Variants in AHNAK observed in about 807,000 individuals in gnomAD.
AHNAK encodes AHNAK nucleoprotein.
Under a neutral mutation model 37.8 loss-of-function variants are expected in AHNAK, and 23 were observed. The ratio of observed to expected loss-of-function variants is 0.61; its 90% CI spans 0.44 to 0.86. The LOEUF (loss-of-function observed/expected upper bound fraction) is 0.86. Ranked by LOEUF, AHNAK falls within the 40% of genes least tolerant of loss-of-function variation. The pLI, the probability that AHNAK is intolerant of heterozygous loss-of-function variation, is 0.00. For missense variants in AHNAK, 7,411 were observed against 7,319.4 expected, an observed-to-expected ratio of 1.01 and a Z score of -0.46; for synonymous variants, 2,481 against 2,636.3, an observed-to-expected ratio of 0.94 and a Z score of 1.80.
chr11:62,492,505 G>C (rs1272252420), intron 4 of AHNAK, among the ~76,000 whole-genome samples: 1 of 152,132 alleles, frequency 6.6e-6, no homozygotes, highest in Admixed American at 6.5e-5. Context: ...GGAGAACTAT[G>C]GTTGCCATCA....
rs1366780897 is a variant in AHNAK at position 62,526,493 on chromosome 11, T to C, written c.7924A>G (p.Lys2642Glu). Residue 2642 changes from lysine to glutamate, a missense_variant, in exon 5 of 5, where the codon AAA becomes GAA. Physicochemically the swap from Lys to Glu is moderately conservative, Grantham distance 56 (BLOSUM62 1). Transcript: ENST00000378024. ...CCAGGCATGCTGAACTTTGGCATTTTCACCTTGGGCATCTTCAGGTGCCAG... is the reference window on the plus strand; with the variant it reads ...CCAGGCATGCTGAACTTTGGCATTTCCACCTTGGGCATCTTCAGGTGCCAG... Reference protein sequence around the residue: ...PDWHLKMPKVKMPKFSMPGFK... With the variant: ...PDWHLKMPKVEMPKFSMPGFK... 1 of 1,613,018 alleles carries C rather than the reference T, an allele frequency of 6.2e-7. No homozygotes were observed. The highest frequency in any genetic ancestry group is 8.5e-7 in the Non-Finnish European group (1 of 1,179,662).
intron 5 of AHNAK, among the ~76,000 whole-genome samples, chr11:62,458,151 C>G (rs749319864): frequency 1.2e-4 from 18 of 152,072 alleles, no homozygotes; most frequent in Non-Finnish European, 2.9e-5. Context: ...AACTCCTGAC[C>G]TCATGATCCA....
Position 62,516,382 on chromosome 11 carries a change from G to A in AHNAK, c.*362C>T. On this transcript the variant is annotated 3_prime_UTR_variant, in exon 5 of 5. Transcript: ENST00000378024. ...CCAAAGTCATTACAATGAAAAAGTGGGTTTCCATTACCCCAAAACTAACAA... is the reference window on the plus strand; with the variant it reads ...CCAAAGTCATTACAATGAAAAAGTGAGTTTCCATTACCCCAAAACTAACAA... 2 of 1,264,332 alleles carry A rather than the reference G, an allele frequency of 1.6e-6. No homozygotes were observed. The highest frequency in any genetic ancestry group is 1.5e-5 in the African/African-American group (1 of 64,996). The allele number at this position is 1,264,332 out of a possible 1,614,324, so 78.3% of individuals were successfully genotyped here.
At position 62,519,364 on chromosome 11, in the gene AHNAK, C is replaced by T; in HGVS notation, c.15053G>A (p.Gly5018Asp). 2.5e-6 allele frequency: 4 copies of T among 1,614,028 alleles called. No individual in the cohort carries two copies. Among genetic ancestry groups the T allele is most frequent in the Non-Finnish European group, 3.4e-6 (4 of 1,179,982 alleles). ...ETPEISVGGK[G>D]KKSKFKMPKI... ...AGGCATTTTAAACTTACTTTTCTTG[C>T]CCTTGCCACCAACACTAATTTCAGG... The change falls in exon 5 of 5, where the codon GGC (glycine) becomes GAC (aspartate). Residue 5018 changes from glycine to aspartate, a missense_variant. Transcript: ENST00000378024.
At chr11:62,452,619 C>T (rs996427538) in intron 5 of AHNAK, among the ~76,000 whole-genome samples, 1 of 152,194 alleles carries the variant, frequency 6.6e-6, no homozygotes. Flanking sequence ...TCTAAGTCTT[C>T]TCATGCTTAG....
chr11:62,529,852 C>G lies in AHNAK; in HGVS notation c.4565G>C (p.Gly1522Ala), dbSNP rs1479698024. 6.2e-7 allele frequency: 1 copy of G among 1,614,044 alleles called. No homozygotes were observed. The highest frequency in any genetic ancestry group is 2.2e-5 in the East Asian group (1 of 44,856). The change falls in exon 5 of 5, where the codon GGC becomes GCC. Residue 1522 changes from glycine (G) to alanine (A), a missense_variant. Physicochemically the swap from Gly to Ala is moderately conservative, Grantham distance 60. Transcript: ENST00000378024. ...KVKMPKFSMPGFKGEGPEVDM... is the reference protein window; with the variant it reads ...KVKMPKFSMPAFKGEGPEVDM... ...CACCTCTGGGCCCTCTCCTTTAAAG[C>G]CAGGCATGCTGAACTTGGGCATTTT...
At chr11:62,444,473 C>T (rs1482629698) in intron 5 of AHNAK, among the ~76,000 whole-genome samples, 1 of 152,270 alleles carries the variant, frequency 6.6e-6, no homozygotes, top group Non-Finnish European at 1.5e-5. Context: ...ATTCTGCTTT[C>T]TCTCAGCTCT....
rs780408928 is a variant in AHNAK, at chr11:62,526,760, C to T, written c.7657G>A (p.Val2553Ile). The stretch of plus-strand genomic sequence containing the variant: ...TTTCCCTCTGGTCCTTCAATATTAA[C>T]ATCAGGGCCTTCAATGTCCACCTTG... The part of the protein sequence containing the change: ...GPKVDIEGPD[V>I]NIEGPEGKLK... The change falls in exon 5 of 5, where the codon GTT (valine) becomes ATT (isoleucine). Residue 2553 changes from valine (V) to isoleucine (I), a missense_variant. By Grantham distance (29) the Val-to-Ile change is conservative. Transcript: ENST00000378024. 8.1e-6 allele frequency: 13 copies of T among 1,613,576 alleles called. No homozygotes were observed. The South Asian group carries it at 1.3e-4, about 16-fold the overall frequency.
In AHNAK at chr11:62,544,864, G is replaced by T. The variant is rs75313269; in HGVS notation, c.-100+1796C>A. ...CCTTAAACGCCTTCCCCCACTCTCA[G>T]CTTCACTGCTGCAGCCCCTCACTGT... On this transcript the variant is annotated intron_variant, in intron 1 of 4. Transcript: ENST00000378024. Among the ~76,000 whole-genome samples, 939 of 152,254 alleles carry T rather than the reference G, an allele frequency of 6.2e-3. 6 individuals are homozygous for T. The highest frequency in any genetic ancestry group is 0.017 in the South Asian group (80 of 4,828).
At position 62,517,864 on chromosome 11, in the gene AHNAK, A is replaced by G; in HGVS notation, c.16553T>C (p.Ile5518Thr). Residue 5518 changes from isoleucine to threonine, a missense_variant, in exon 5 of 5, where the codon ATT becomes ACT. Physicochemically the swap from Ile to Thr is moderately conservative, Grantham distance 89 (BLOSUM62 -1). Coordinates refer to ENST00000378024, the MANE Select transcript of AHNAK (RefSeq NM_001620.3). ...ACCACCTTTGATTTCAGGCCCAGAA[A>G]TCTGCCCAGTTGGGAGTTTCACATT... is the stretch of plus-strand genomic sequence containing the variant. ...GVNVKLPTGQ[I>T]SGPEIKGGLK... 1 of 1,614,138 alleles carries G rather than the reference A, an allele frequency of 6.2e-7. No homozygotes were observed. Among genetic ancestry groups the G allele is most frequent in the South Asian group, 1.1e-5 (1 of 91,078 alleles).
At chr11:62,502,259 A>G (rs902602692) in intron 4 of AHNAK, among the ~76,000 whole-genome samples, 9 of 152,222 alleles carry the variant, frequency 5.9e-5, no homozygotes, top group African/African-American at 2.2e-4. Context: ...TTTGCCAGCC[A>G]ACAGGGCACA....
At chr11:62,506,848 G>T (rs902974232) in intron 4 of AHNAK, among the ~76,000 whole-genome samples, 1 of 152,190 alleles carries the variant, frequency 6.6e-6, no homozygotes, top group African/African-American at 2.4e-5. Flanking sequence ...CAGCCAGGAG[G>T]CTGAGCCTGA....
chr11:62,445,771 C>G (rs1170838615), intron 5 of AHNAK, among the ~76,000 whole-genome samples: 1 of 151,180 alleles, frequency 6.6e-6, no homozygotes, highest in Non-Finnish European at 1.5e-5. Flanking sequence ...AATTCCAGCA[C>G]TTTGGGAGGC....
chr11:62,474,028 C>CA (rs1052031863), intron 5 of AHNAK, among the ~76,000 whole-genome samples: 1 of 151,410 alleles, frequency 6.6e-6, no homozygotes. Context: ...AGTGAGGTGA[C>CA]AGACATGTTA....
intron 5 of AHNAK, among the ~76,000 whole-genome samples, chr11:62,481,222 C>G (rs1170662609): frequency 6.6e-6 from 1 of 151,878 alleles, no homozygotes; most frequent in Non-Finnish European, 1.5e-5. Flanking sequence ...TCTCCTGTCT[C>G]AACCTCCCGA....
At chr11:62,499,550 C>CA (rs1222827926) in intron 4 of AHNAK, among the ~76,000 whole-genome samples, 4 of 151,870 alleles carry the variant, frequency 2.6e-5, no homozygotes, top group Non-Finnish European at 2.9e-5. Context: ...GACTCCATCT[C>CA]AAAAAAACAA....
rs755404394 is a variant in AHNAK, at chr11:62,531,122, G to A, written c.3295C>T (p.Pro1099Ser). 3.1e-6 allele frequency: 5 copies of A among 1,613,976 alleles called. No individual in the cohort carries two copies. The African/African-American group carries it at 6.7e-5, about 22-fold the overall frequency. ...APKIEGEMQV[P>S]DVDIRGPKVD... ...TTGGGACCTCTGATGTCCACATCTGGAACCTGCATTTCACCCTCTATCTTT... is the reference window on the plus strand; with the variant it reads ...TTGGGACCTCTGATGTCCACATCTGAAACCTGCATTTCACCCTCTATCTTT... Residue 1099 changes from proline (P) to serine (S), a missense_variant, in exon 5 of 5, where the codon CCA becomes TCA. Physicochemically the swap from Pro to Ser is moderately conservative, Grantham distance 74. Transcript: ENST00000378024.
In AHNAK at chr11:62,519,236, C is replaced by G. The variant is rs1940140681; in HGVS notation, c.15181G>C (p.Asp5061His). ...IDASLKAPDV[D>H]VNIAGPDAAL... ...GCATCCGGCCCTGCGATGTTGACAT[C>G]TACATCCGGAGCCTTGAGGCTGGCA... Residue 5061 changes from aspartate (D) to histidine (H), a missense_variant, in exon 5 of 5, where the codon GAT becomes CAT. Coordinates refer to ENST00000378024, the MANE Select transcript of AHNAK (RefSeq NM_001620.3). 1 of 1,613,910 alleles carries G rather than the reference C, an allele frequency of 6.2e-7. No individual in the cohort carries two copies. Among genetic ancestry groups the G allele is most frequent in the African/African-American group, 1.3e-5 (1 of 75,032 alleles).
chr11:62,481,560 CTTTA>C (rs781280597), intron 5 of AHNAK, among the ~76,000 whole-genome samples: 1 of 151,902 alleles, frequency 6.6e-6, no homozygotes, highest in Non-Finnish European at 1.5e-5. Context: ...CTTCAATACT[CTTTA>C]TTTTTTATTT....
Sources: gnomAD v4.1 joint callset for allele counts (sites outside exome capture counted in the v4.1 genomes callset) on GRCh38, gnomAD v4.1.1 for gene constraint, MANE v1.5 for transcripts, NCBI Gene and HGNC (gene_info 2026-07-23, HGNC 2026-07-21) for gene names.